TRAM1: variants seen among roughly 807,000 people sequenced by gnomAD.
TRAM1 encodes the protein translocating chain-associated membrane protein 1.
TRAM1 carries 17 observed loss-of-function variants against 48.7 expected under a neutral mutation model. That is an observed-to-expected ratio of 0.35 (90% CI 0.24 to 0.52). The LOEUF (loss-of-function observed/expected upper bound fraction) is 0.52, where lower values mean the gene tolerates loss of function less well. TRAM1 is among the 20% of genes least tolerant of loss of function. The pLI is 0.94. For missense variants in TRAM1, 351 were observed against 441.5 expected, an observed-to-expected ratio of 0.79 and a Z score of 1.84; for synonymous variants, 182 against 154.0, an observed-to-expected ratio of 1.18 and a Z score of -1.34.
intron 1 of TRAM1, among the ~76,000 whole-genome samples, chr8:70,601,171 A>AT (rs1179686066): frequency 1.3e-5 from 2 of 151,932 alleles, no homozygotes; most frequent in Non-Finnish European, 2.9e-5. Context: ...AACTAGAATG[A>AT]TTTTCTCATC....
At chr8:70,575,959 C>T (rs1450738484) in intron 10 of TRAM1, among the ~76,000 whole-genome samples, 1 of 151,142 alleles carries the variant, frequency 6.6e-6, no homozygotes, top group Non-Finnish European at 1.5e-5. Flanking sequence ...TGCCTGTAAT[C>T]CTGACTACCT....
At chr8:70,599,569 T>A (rs145409628) in intron 2 of TRAM1, among the ~76,000 whole-genome samples, 1 of 152,200 alleles carries the variant, frequency 6.6e-6, no homozygotes, top group Non-Finnish European at 1.5e-5. Flanking sequence ...TCAAAATAAT[T>A]GTTAAAAGTA....
intron 6 of TRAM1, among the ~76,000 whole-genome samples, chr8:70,592,694 T>C (rs1443524313): frequency 6.6e-6 from 1 of 152,184 alleles, no homozygotes; most frequent in African/African-American, 2.4e-5. Flanking sequence ...CCAGAGGTAT[T>C]TGTTCATGAG....
intron 10 of TRAM1, among the ~76,000 whole-genome samples, chr8:70,575,732 C>T (rs531505512): frequency 1.3e-5 from 2 of 152,108 alleles, no homozygotes; most frequent in African/African-American, 4.8e-5. Flanking sequence ...AAGTGGAATC[C>T]CAGCACAGAT....
At chr8:70,584,583 A>T (rs565579588) in intron 8 of TRAM1, among the ~76,000 whole-genome samples, 7 of 152,346 alleles carry the variant, frequency 4.6e-5, no homozygotes, top group Admixed American at 4.6e-4. Flanking sequence ...ACTTCAGCAA[A>T]GTCTCAGGAT....
chr8:70,594,422 T>G, intron 6 of TRAM1, 84 bp downstream of exon 6: 1 of 1,037,990 alleles, frequency 9.6e-7, no homozygotes, highest in Non-Finnish European at 1.4e-6. Flanking sequence ...AGGGCAAACA[T>G]GTAAGAAAAT....
At chr8:70,586,091 C>T (rs1817211372) in intron 8 of TRAM1, among the ~76,000 whole-genome samples, 2 of 151,260 alleles carry the variant, frequency 1.3e-5, no homozygotes, top group Non-Finnish European at 2.9e-5. Context: ...TACTATGCAG[C>T]CATAAAAAAT....
rs1341832232 is a variant in TRAM1, at chr8:70,586,954, A to T, written c.687T>A (p.Val229=). Residue 229 remains valine, a synonymous_variant, in exon 8 of 11, where the codon GTT becomes GTA. Transcript: ENST00000262213. ...GLVLLVLHYF[V]EFLFHISRLF... ...GGCGGGAAATGTGGAAAAGAAATTC[A>T]ACAAAATAATGTAGCACCAGAAGAA... 6.2e-7 allele frequency: 1 copy of T among 1,613,930 alleles called. No individual in the cohort carries two copies. Among genetic ancestry groups the T allele is most frequent in the Non-Finnish European group, 8.5e-7 (1 of 1,179,894 alleles).
chr8:70,583,854 A>G (rs192367979), intron 8 of TRAM1, 61 bp from the exon 9 acceptor site: 534 of 1,504,018 alleles, frequency 3.6e-4, no homozygotes, highest in Admixed American at 9.1e-4. Flanking sequence ...TCTATTAGAA[A>G]TTAGATTCCT....
intron 2 of TRAM1, 83 bp from the exon 3 acceptor site, chr8:70,598,338 CAAA>C: frequency 1.5e-6 from 2 of 1,352,906 alleles, no homozygotes; most frequent in Non-Finnish European, 9.8e-7. Flanking sequence ...GTTATGGAAA[CAAA>C]GAAGAATAAC....
chr8:70,578,417 T>C (rs1817006606), intron 10 of TRAM1, among the ~76,000 whole-genome samples: 1 of 152,206 alleles, frequency 6.6e-6, no homozygotes, highest in Non-Finnish European at 1.5e-5. Context: ...GGCAGATCAC[T>C]TGGGTAGAGG....
chr8:70,585,138 C>T (rs1586754474), intron 8 of TRAM1, among the ~76,000 whole-genome samples: 1 of 152,270 alleles, frequency 6.6e-6, no homozygotes, highest in Middle Eastern at 3.4e-3. Context: ...TATCTACAAC[C>T]ATCTGATCTT....
chr8:70,584,127 G>A (rs894324463), intron 8 of TRAM1, among the ~76,000 whole-genome samples: 7 of 152,088 alleles, frequency 4.6e-5, no homozygotes, highest in African/African-American at 1.7e-4. Context: ...TCTGGGAAAG[G>A]CTATATATCA....
chr8:70,584,789 CAAATGGAAGAACATT>C (rs1817170146), intron 8 of TRAM1, among the ~76,000 whole-genome samples: 1 of 152,002 alleles, frequency 6.6e-6, no homozygotes, highest in African/African-American at 2.4e-5. Context: ...AGGATACAAA[CAAATGGAAGAACATT>C]CCATGCTCAT....
In TRAM1 at chr8:70,573,265, T is replaced by TC. The variant is rs1282542717; in HGVS notation, c.*1666dup. 6.6e-6 allele frequency among the ~76,000 whole-genome samples: 1 copy of TC among 152,074 alleles called. No homozygotes were observed. The highest frequency in any genetic ancestry group is 2.4e-5 in the African/African-American group (1 of 41,388). ...AGATTTATTTGGTTATGACCATCTA[T>TC]CCCCCCAGTAGTCCTCACCAATATT... On this transcript the variant is annotated 3_prime_UTR_variant, in exon 11 of 11. Coordinates refer to ENST00000262213, the MANE Select transcript of TRAM1 (RefSeq NM_014294.6).
At chr8:70,577,150 G>A (rs1458597982) in intron 10 of TRAM1, among the ~76,000 whole-genome samples, 1 of 152,188 alleles carries the variant, frequency 6.6e-6, no homozygotes, top group African/African-American at 2.4e-5. Context: ...GCCCTGTCAG[G>A]ACTTTGGGTG....
At chr8:70,576,497 T>A (rs1816955870) in intron 10 of TRAM1, among the ~76,000 whole-genome samples, 1 of 152,244 alleles carries the variant, frequency 6.6e-6, no homozygotes, top group African/African-American at 2.4e-5. Context: ...TTATATGAAC[T>A]AGACAAATTC....
chr8:70,595,590 T>C (rs1305864860), intron 5 of TRAM1, among the ~76,000 whole-genome samples: 1 of 152,190 alleles, frequency 6.6e-6, no homozygotes, highest in East Asian at 1.9e-4. Flanking sequence ...CCAAGGCACA[T>C]ATAGTCTTAG....
chr8:70,606,559 G>C (rs1817723659), intron 1 of TRAM1, among the ~76,000 whole-genome samples: 2 of 152,172 alleles, frequency 1.3e-5, no homozygotes, highest in South Asian at 4.1e-4. Context: ...GCTGTGAGGA[G>C]AACAGTACAG....
Sources: gnomAD v4.1 joint callset for allele counts (sites outside exome capture counted in the v4.1 genomes callset) on GRCh38, gnomAD v4.1.1 for gene constraint, MANE v1.5 for transcripts, NCBI Gene and HGNC (gene_info 2026-07-23, HGNC 2026-07-21) for gene names.